NINL: variants seen among roughly 807,000 people sequenced by gnomAD.
The protein encoded by NINL is ninein-like protein.
Under a neutral mutation model 160.3 loss-of-function variants are expected in NINL, and 153 were observed. The observed-to-expected ratio is 0.95, with a 90% confidence interval of 0.84 to 1.09. NINL has a LOEUF of 1.09. Ranked by LOEUF, NINL falls within the 50% of genes least tolerant of loss-of-function variation. The pLI is 0.00. For missense variants in NINL, 1,829 were observed against 1,764.0 expected (o/e 1.04, Z -0.66); for synonymous variants, 800 against 734.8 (o/e 1.09, Z -1.43).
At chr20:25,509,015 C>G (rs1051526400) in intron 5 of NINL, among the ~76,000 whole-genome samples, 2 of 152,218 alleles carry the variant, frequency 1.3e-5, no homozygotes, top group Admixed American at 6.5e-5. Flanking sequence ...CTTTGACACT[C>G]TTCCCTTCAG....
intron 1 of NINL, among the ~76,000 whole-genome samples, chr20:25,553,103 G>GTTTTTTTTTTTTTTTTTTTTTTTTTT (rs760131174): frequency 1.7e-5 from 1 of 58,048 alleles, no homozygotes; most frequent in African/African-American, 6.5e-5. Flanking sequence ...ACCCTTGTTG[G>GTTTTTTTTTTTTTTTTTTTTTTTTTT]GTTTTTTTTT....
chr20:25,458,411 T>C lies in NINL; in HGVS notation c.3815A>G (p.Gln1272Arg). 6.2e-7 allele frequency: 1 copy of C among 1,606,794 alleles called. No homozygotes were observed. The highest frequency in any genetic ancestry group is 8.5e-7 in the Non-Finnish European group (1 of 1,179,968). The change falls in exon 22 of 24, where the codon CAG becomes CGG. Residue 1272 changes from glutamine to arginine, a missense_variant. Coordinates refer to ENST00000278886, the MANE Select transcript of NINL (RefSeq NM_025176.6). ...CTGTGCATCCAGGCGCCTCCTGGCC[T>C]GCTCTCCCTGAAGGCTGAGCAGGCG... Reference protein sequence around the residue: ...LHRLLSLQGEQARRRLDAQRE... With the variant: ...LHRLLSLQGERARRRLDAQRE...
intron 8 of NINL, 45 bp downstream of exon 8, chr20:25,500,794 GC>G (rs754710849): frequency 1.9e-6 from 3 of 1,585,598 alleles, no homozygotes; most frequent in Non-Finnish European, 2.6e-6. Context: ...CAGCAGACGG[GC>G]CCCCCAGGTC....
chr20:25,509,377 T>C (rs2064025217), intron 5 of NINL, among the ~76,000 whole-genome samples: 1 of 152,226 alleles, frequency 6.6e-6, no homozygotes, highest in Non-Finnish European at 1.5e-5. Flanking sequence ...CAGTCCATCC[T>C]AAGTCTCTCA....
chr20:25,500,865 A>G lies in NINL; in HGVS notation c.1007T>C (p.Ile336Thr), dbSNP rs1379915804. The G allele has an allele frequency of 1.2e-6, 2 of 1,614,034 alleles. No homozygotes were observed. Among genetic ancestry groups the G allele is most frequent in the Non-Finnish European group, 1.7e-6 (2 of 1,179,990 alleles). The change falls in exon 8 of 24, where the codon ATT (isoleucine) becomes ACT (threonine). Residue 336 changes from isoleucine (I) to threonine (T), a missense_variant. Transcript: ENST00000278886. ...QVLAMWTQEG[I>T]QNGREILQSL... ...CTGCAAGATCTCCCTGCCATTCTGA[A>G]TCCCCTCCTGGGTCCACATGGCCAG...
In NINL at chr20:25,464,238, G is replaced by A. The variant is rs549333987; in HGVS notation, c.3424-1697C>T. Reference sequence around the variant, plus strand: ...TTGAGACCAGCCTGGCCAACATGGCGAAACCCCATCTCCACTAAAAATACA... The same window carrying A: ...TTGAGACCAGCCTGGCCAACATGGCAAAACCCCATCTCCACTAAAAATACA... On this transcript the variant is annotated intron_variant, in intron 19 of 23. Coordinates refer to ENST00000278886, the MANE Select transcript of NINL (RefSeq NM_025176.6). Among the ~76,000 whole-genome samples the A allele has an allele frequency of 2.3e-3, 345 of 152,238 alleles. 2 individuals are homozygous for A. The highest frequency in any genetic ancestry group is 3.7e-3 in the Non-Finnish European group (254 of 68,012).
At chr20:25,579,308 A>C (rs990748503) in intron 1 of NINL, among the ~76,000 whole-genome samples, 1 of 152,034 alleles carries the variant, frequency 6.6e-6, no homozygotes. Flanking sequence ...GCAACAGTAC[A>C]CCCCGGCTCA....
chr20:25,564,697 C>A (rs533296339), intron 1 of NINL, among the ~76,000 whole-genome samples: 43 of 151,992 alleles, frequency 2.8e-4, no homozygotes, highest in African/African-American at 9.7e-4. Flanking sequence ...AAGTGATCCA[C>A]CTGCCTCAGC....
intron 13 of NINL, among the ~76,000 whole-genome samples, chr20:25,485,606 A>T (rs567543169): frequency 1.3e-5 from 2 of 152,282 alleles, no homozygotes; most frequent in Admixed American, 6.5e-5. Flanking sequence ...ATTTGGAGAG[A>T]GTTTTTATAT....
At chr20:25,501,221 A>T (rs1355265801) in intron 7 of NINL, among the ~76,000 whole-genome samples, 1 of 152,232 alleles carries the variant, frequency 6.6e-6, no homozygotes, top group Non-Finnish European at 1.5e-5. Flanking sequence ...GAAAGTCGGG[A>T]CATGCAACCA....
At chr20:25,559,002 C>T (rs1465966359) in intron 1 of NINL, among the ~76,000 whole-genome samples, 1 of 152,224 alleles carries the variant, frequency 6.6e-6, no homozygotes, top group Non-Finnish European at 1.5e-5. Flanking sequence ...TATTCTCCAG[C>T]GTTTCACATG....
chr20:25,568,688 G>A (rs1245833592), intron 1 of NINL, among the ~76,000 whole-genome samples: 2 of 151,910 alleles, frequency 1.3e-5, no homozygotes, highest in Non-Finnish European at 2.9e-5. Context: ...TGGGATTACA[G>A]GAGTAAGCCA....
At chr20:25,563,038 C>A (rs908647464) in intron 1 of NINL, among the ~76,000 whole-genome samples, 4 of 152,046 alleles carry the variant, frequency 2.6e-5, no homozygotes, top group Non-Finnish European at 5.9e-5. Flanking sequence ...TGGTGGCGGG[C>A]GCCTGTAGTC....
At chr20:25,503,814 ATGCG>A in intron 7 of NINL, 134 bp downstream of exon 7, 2 of 1,017,012 alleles carry the variant, frequency 2.0e-6, no homozygotes, top group Non-Finnish European at 3.0e-6. Context: ...TCCCATATAC[ATGCG>A]TGTGTGCATG....
chr20:25,509,212 G>A (rs961373375), intron 5 of NINL, among the ~76,000 whole-genome samples: 3 of 152,078 alleles, frequency 2.0e-5, no homozygotes, highest in South Asian at 2.1e-4. Context: ...ATCTTCAGCC[G>A]CCATGCTGTA....
At chr20:25,585,423 G>A (rs2065219406) in intron 1 of NINL, 32 bp downstream of exon 1, 1 of 152,142 alleles carries the variant, frequency 6.6e-6, no homozygotes, top group Non-Finnish European at 1.5e-5. Context: ...CCAGCCGCCT[G>A]AATGTCCCGC....
intron 10 of NINL, among the ~76,000 whole-genome samples, chr20:25,494,712 C>T (rs1368379460): frequency 3.9e-5 from 6 of 152,226 alleles, no homozygotes; most frequent in Non-Finnish European, 7.4e-5. Context: ...CCCCCTTCTG[C>T]CCAGCACAGA....
intron 1 of NINL, among the ~76,000 whole-genome samples, chr20:25,571,438 A>C (rs1272705059): frequency 6.6e-6 from 1 of 152,166 alleles, no homozygotes; most frequent in Non-Finnish European, 1.5e-5. Context: ...TGATAAGAGA[A>C]CTCAGTGCAC....
intron 7 of NINL, 97 bp downstream of exon 7, chr20:25,503,855 T>C: frequency 1.4e-6 from 2 of 1,436,008 alleles, no homozygotes; most frequent in Admixed American, 1.7e-5. Flanking sequence ...GACAGCTTGT[T>C]GTGTGGTGAC....
Sources: allele counts gnomAD v4.1 joint callset (sites outside exome capture counted in the v4.1 genomes callset), GRCh38; gene constraint gnomAD v4.1.1; transcripts MANE v1.5; gene names NCBI Gene and HGNC (gene_info 2026-07-23, HGNC 2026-07-21).